TAF4B: variants seen among roughly 807,000 people sequenced by gnomAD.
The protein encoded by TAF4B is TATA-box binding protein associated factor 4b.
In TAF4B, 38 loss-of-function variants were observed where a neutral mutation model predicts 86.4. The ratio of observed to expected loss-of-function variants is 0.44; its 90% confidence interval spans 0.34 to 0.58. The LOEUF is 0.58. Ranked by LOEUF, TAF4B falls within the 20% of genes least tolerant of loss-of-function variation. The probability of loss-of-function intolerance (pLI) is 0.02; values close to 1 mark genes in which losing one functional copy is unlikely to be tolerated. For synonymous variants in TAF4B, 388 were observed against 391.2 expected (o/e 0.99, Z 0.10); for missense variants, 988 against 1,027.6 (o/e 0.96, Z 0.53).
At chr18:26,385,679 G>GTTTT (rs34188640) in intron 14 of TAF4B, among the ~76,000 whole-genome samples, 32 of 109,828 alleles carry the variant, frequency 2.9e-4, no homozygotes, top group Middle Eastern at 4.9e-3. Context: ...AATAAACAGC[G>GTTTT]TTTTTTTTTT....
At chr18:26,336,643 A>T (rs2057094081) in intron 13 of TAF4B, among the ~76,000 whole-genome samples, 2 of 152,226 alleles carry the variant, frequency 1.3e-5, no homozygotes, top group South Asian at 4.1e-4. Flanking sequence ...AATTATTAGT[A>T]TGAGAACTGT....
chr18:26,315,192 C>CACACACACACACACACAA (rs749841898), intron 9 of TAF4B, 37 bp from the exon 10 acceptor site: 1 of 1,332,654 alleles, frequency 7.5e-7, no homozygotes, highest in African/African-American at 1.8e-5. Flanking sequence ...CACACACACA[C>CACACACACACACACACAA]AACCTAAAAT....
Position 26,390,145 on chromosome 18 carries a change from C to T in TAF4B, c.*133C>T. 1.1e-6 allele frequency: 1 copy of T among 892,604 alleles called. No homozygotes were observed. The allele number at this position is 892,604 out of a possible 1,614,324, so 55.3% of individuals were successfully genotyped here. The stretch of plus-strand genomic sequence containing the variant: ...AAAGAGCATTGTTTACAGTTAGAAA[C>T]TTTATTAACTCTTACCTATCCATCT... On this transcript the variant is annotated 3_prime_UTR_variant, in exon 15 of 15. Coordinates refer to ENST00000269142, the MANE Select transcript of TAF4B (RefSeq NM_005640.3).
rs1222224967 is a variant in TAF4B, at chr18:26,229,976, T to TACAC, written c.343+2701_343+2702insCACA. Among the ~76,000 whole-genome samples, 613 of 151,756 alleles carry TACAC rather than the reference T, an allele frequency of 4.0e-3. 2 individuals carry two copies. Among genetic ancestry groups the TACAC allele is most frequent in the African/African-American group, 0.014 (591 of 41,340 alleles). ...GGTTTAAAAAAAAAATATATATATATATACACACACACACACACATATACA... is the reference window on the plus strand; with the variant it reads ...GGTTTAAAAAAAAAATATATATATATACACATACACACACACACACACATATACA... On this transcript the variant is annotated intron_variant, in intron 1 of 14. Coordinates refer to ENST00000269142, the MANE Select transcript of TAF4B (RefSeq NM_005640.3).
intron 13 of TAF4B, among the ~76,000 whole-genome samples, chr18:26,337,420 C>CTTTCTT (rs2057101275): frequency 5.5e-5 from 7 of 127,462 alleles, no homozygotes; most frequent in Admixed American, 5.2e-4. Flanking sequence ...TTCTTTCTTT[C>CTTTCTT]TTTCTTTTTT....
At chr18:26,255,569 T>C in intron 1 of TAF4B, 1 of 587,036 alleles carries the variant, frequency 1.7e-6, no homozygotes. Flanking sequence ...GCCACTGCAC[T>C]CCAGCCTGGA....
chr18:26,354,579 A>G (rs1006979432), intron 13 of TAF4B, among the ~76,000 whole-genome samples: 1 of 152,178 alleles, frequency 6.6e-6, no homozygotes, highest in Non-Finnish European at 1.5e-5. Flanking sequence ...GCTGTTAGAA[A>G]CTGTGTTAAT....
At chr18:26,233,106 T>C (rs1308420918) in intron 1 of TAF4B, among the ~76,000 whole-genome samples, 1 of 152,150 alleles carries the variant, frequency 6.6e-6, no homozygotes, top group African/African-American at 2.4e-5. Context: ...ATGGCTTCGC[T>C]GGGTAGACAG....
intron 12 of TAF4B, among the ~76,000 whole-genome samples, chr18:26,333,879 G>C (rs898409910): frequency 3.9e-4 from 59 of 151,940 alleles, no homozygotes; most frequent in African/African-American, 1.4e-3. Flanking sequence ...GTCTCCAAAG[G>C]CTAGAACAGT....
chr18:26,304,635 C>G, intron 9 of TAF4B: 1 of 772,346 alleles, frequency 1.3e-6, no homozygotes, highest in Non-Finnish European at 1.6e-6. Context: ...GGGAACTTGA[C>G]TTACCCAGGA....
At chr18:26,305,985 G>A (rs566109119) in intron 9 of TAF4B, among the ~76,000 whole-genome samples, 1 of 152,118 alleles carries the variant, frequency 6.6e-6, no homozygotes, top group Non-Finnish European at 1.5e-5. Context: ...ATTTGGTAAG[G>A]TTGTAGGGAA....
intron 5 of TAF4B, among the ~76,000 whole-genome samples, chr18:26,279,413 G>T (rs2056419686): frequency 6.6e-6 from 1 of 151,984 alleles, no homozygotes; most frequent in African/African-American, 2.4e-5. Flanking sequence ...TAGCCATACT[G>T]CCCAAAGCAA....
chr18:26,255,641 G>A (rs1437416970), intron 1 of TAF4B: 8 of 958,096 alleles, frequency 8.3e-6, no homozygotes, highest in Non-Finnish European at 1.3e-5. Flanking sequence ...GTTGCTTTGT[G>A]GTCTTCAAAA....
intron 9 of TAF4B, among the ~76,000 whole-genome samples, 176 bp from the exon 10 acceptor site, chr18:26,315,053 G>A (rs561720970): frequency 5.4e-5 from 8 of 148,050 alleles, no homozygotes; most frequent in East Asian, 4.1e-4. Flanking sequence ...AAATAATGCC[G>A]TTAGTTACAA....
chr18:26,309,468 C>G (rs973035194), intron 9 of TAF4B, among the ~76,000 whole-genome samples: 1 of 151,758 alleles, frequency 6.6e-6, no homozygotes. Context: ...TAGTATTTTC[C>G]ATATTACCAA....
chr18:26,315,146 G>GTCTCTCTCTCTC (rs1212422063), intron 9 of TAF4B, 83 bp from the exon 10 acceptor site: 10 of 152,018 alleles, frequency 6.6e-5, no homozygotes, highest in East Asian at 4.9e-4. Flanking sequence ...CTCTCTCTCT[G>GTCTCTCTCTCTC]TCTCTCTCTC....
intron 1 of TAF4B, among the ~76,000 whole-genome samples, chr18:26,228,767 C>T (rs745452910): frequency 5.7e-4 from 86 of 151,964 alleles, no homozygotes; most frequent in Non-Finnish European, 1.1e-3. Context: ...TCTGTTCCTC[C>T]CCATCCCTCC....
intron 2 of TAF4B, among the ~76,000 whole-genome samples, chr18:26,266,446 A>T (rs1395059056): frequency 6.6e-6 from 1 of 152,224 alleles, no homozygotes; most frequent in Non-Finnish European, 1.5e-5. Context: ...TACAGAAATT[A>T]TCTTTAAGAA....
At chr18:26,234,612 CA>C (rs1285290205) in intron 1 of TAF4B, among the ~76,000 whole-genome samples, 1 of 152,186 alleles carries the variant, frequency 6.6e-6, no homozygotes, top group African/African-American at 2.4e-5. Flanking sequence ...CTTTGTATCC[CA>C]TTCTCCACAA....
Sources: gnomAD v4.1 joint callset for allele counts (sites outside exome capture counted in the v4.1 genomes callset) on GRCh38, gnomAD v4.1.1 for gene constraint, MANE v1.5 for transcripts, NCBI Gene and HGNC (gene_info 2026-07-23, HGNC 2026-07-21) for gene names.